Variants in PDZD2 observed in about 807,000 individuals in gnomAD.
The protein encoded by PDZD2 is PDZ domain-containing protein 2.
PDZD2 carries 90 observed loss-of-function variants against 220.7 expected under a neutral mutation model. That is an observed-to-expected ratio of 0.41 (90% CI 0.34 to 0.49). The LOEUF is 0.49. PDZD2 is among the 20% of genes least tolerant of loss of function. The pLI is 0.28. For missense variants in PDZD2, 3,174 were observed against 3,608.5 expected, an observed-to-expected ratio of 0.88 and a Z score of 3.08; for synonymous variants, 1,375 against 1,450.5, an observed-to-expected ratio of 0.95 and a Z score of 1.18.
At position 32,074,285 on chromosome 5, in the gene PDZD2, C is replaced by T. The variant is rs1245510302; in HGVS notation, c.3179C>T (p.Thr1060Met). Residue 1060 changes from threonine (T) to methionine (M), a missense_variant, in exon 18 of 25, where the codon ACG becomes ATG. Physicochemically the swap from Thr to Met is moderately conservative, Grantham distance 81. This residue lies in a region of PDZD2 where 1,861 missense variants were observed against 2,001.0 expected (regional missense o/e 0.93). Coordinates refer to ENST00000438447, the MANE Select transcript of PDZD2 (RefSeq NM_178140.4). ...GCTGCGTCCTATGCAGCCAACCTCA[C>T]GGACTCTGCAGAGGCCCCCAAGGGG... ...VDAASYAANL[T>M]DSAEAPKGSP... The T allele has an allele frequency of 3.7e-6, 6 of 1,614,020 alleles. No homozygotes were observed. The highest frequency in any genetic ancestry group is 4.5e-5 in the East Asian group (2 of 44,892).
At chr5:31,706,739 G>A (rs1747841317) in intron 1 of PDZD2, among the ~76,000 whole-genome samples, 1 of 151,746 alleles carries the variant, frequency 6.6e-6, no homozygotes, top group African/African-American at 2.4e-5. Context: ...AGCTACTTGG[G>A]AGGCTGAGGC....
At chr5:31,827,169 T>A (rs1463419527) in intron 2 of PDZD2, among the ~76,000 whole-genome samples, 1 of 152,182 alleles carries the variant, frequency 6.6e-6, no homozygotes, top group Admixed American at 6.5e-5. Flanking sequence ...AAATCTGGGT[T>A]CTGAACACTT....
At chr5:31,786,687 G>T (rs977570856) in intron 1 of PDZD2, among the ~76,000 whole-genome samples, 1 of 152,132 alleles carries the variant, frequency 6.6e-6, no homozygotes, top group Non-Finnish European at 1.5e-5. Flanking sequence ...TAGGGGGAAT[G>T]CCAGAGCTGG....
intron 1 of PDZD2, among the ~76,000 whole-genome samples, chr5:31,774,548 G>A (rs561206949): frequency 3.8e-4 from 58 of 151,648 alleles, no homozygotes; most frequent in South Asian, 6.3e-4. Context: ...ACCCTATCTC[G>A]ACTAAAAATA....
At chr5:32,035,200 TA>T (rs1454577512) in intron 6 of PDZD2, among the ~76,000 whole-genome samples, 1 of 152,200 alleles carries the variant, frequency 6.6e-6, no homozygotes, top group Non-Finnish European at 1.5e-5. Flanking sequence ...AATTATTTCT[TA>T]AAAGAGATTA....
chr5:31,985,170 ATAT>A (rs1186833369), intron 3 of PDZD2, among the ~76,000 whole-genome samples: 9 of 152,218 alleles, frequency 5.9e-5, no homozygotes, highest in Non-Finnish European at 1.0e-4. Context: ...GGCAGTGAAA[ATAT>A]TATAATGTGT....
At chr5:31,912,392 T>C (rs1743289516) in intron 2 of PDZD2, among the ~76,000 whole-genome samples, 1 of 152,150 alleles carries the variant, frequency 6.6e-6, no homozygotes, top group Non-Finnish European at 1.5e-5. Flanking sequence ...CCTAATATCA[T>C]ACCTTGGAGG....
At chr5:32,065,660 G>T (rs996653955) in intron 14 of PDZD2, among the ~76,000 whole-genome samples, 33 of 152,250 alleles carry the variant, frequency 2.2e-4, no homozygotes, top group Admixed American at 2.0e-3. Flanking sequence ...AGGCAACTCT[G>T]CTTTTCTTCA....
chr5:31,954,059 T>C (rs1288052077), intron 2 of PDZD2, among the ~76,000 whole-genome samples: 1 of 151,710 alleles, frequency 6.6e-6, no homozygotes, highest in Non-Finnish European at 1.5e-5. Flanking sequence ...AAGGTTATAG[T>C]GTGATATGAT....
chr5:32,076,301 A>C (rs1026136078), intron 18 of PDZD2, among the ~76,000 whole-genome samples: 13 of 151,698 alleles, frequency 8.6e-5, no homozygotes, highest in Non-Finnish European at 1.9e-4. Context: ...AAAAAAAAAA[A>C]AAAAAAAACA....
At chr5:31,790,589 G>A (rs192898758) in intron 1 of PDZD2, among the ~76,000 whole-genome samples, 1 of 152,016 alleles carries the variant, frequency 6.6e-6, no homozygotes, top group Admixed American at 6.6e-5. Context: ...TGTGGACCAG[G>A]GCTGGAGTTT....
chr5:31,924,500 T>C (rs1351148566), intron 2 of PDZD2, among the ~76,000 whole-genome samples: 1 of 152,196 alleles, frequency 6.6e-6, no homozygotes, highest in African/African-American at 2.4e-5. Flanking sequence ...CAGCCCATGG[T>C]GATAGGTCCC....
rs535726237 is a variant in PDZD2, at chr5:31,941,839, A to T, written c.477-41316A>T. Among the ~76,000 whole-genome samples the T allele has an allele frequency of 2.6e-5, 4 of 152,368 alleles. No homozygotes were observed. The East Asian group carries it at 7.7e-4, about 29-fold the overall frequency. Reference sequence around the variant, plus strand: ...ATGGATTCAGCCATTTCAGTAGAAGAAACATCAGTCTTCGCTATAGTCTCT... The same window carrying T: ...ATGGATTCAGCCATTTCAGTAGAAGTAACATCAGTCTTCGCTATAGTCTCT... On this transcript the variant is annotated intron_variant, in intron 2 of 24. Transcript: ENST00000438447.
intron 2 of PDZD2, among the ~76,000 whole-genome samples, chr5:31,920,992 C>T (rs1561082248): frequency 6.6e-6 from 1 of 152,278 alleles, no homozygotes; most frequent in South Asian, 2.1e-4. Context: ...TCTGCGTGTG[C>T]CGCGGTTTAT....
Position 32,110,618 on chromosome 5 carries a change from G to GTGT in PDZD2, c.*2485_*2487dup, listed in dbSNP as rs542144751. ...ATAAGCTATGAGGGTAAATAAATAT[G>GTGT]TGTTATAACAAGTAAACCGTAGTTG... On this transcript the variant is annotated 3_prime_UTR_variant, in exon 25 of 25. Transcript: ENST00000438447. 1.1e-4 allele frequency: 17 copies of GTGT among 152,572 alleles called. No individual in the cohort carries two copies. The East Asian group carries it at 3.3e-3, about 29-fold the overall frequency. 9.5% of individuals were successfully genotyped at this position (152,572 alleles called of 1,614,324 possible).
At chr5:31,828,164 A>G (rs1051999790) in intron 2 of PDZD2, among the ~76,000 whole-genome samples, 16 of 152,356 alleles carry the variant, frequency 1.1e-4, no homozygotes, top group African/African-American at 3.8e-4. Context: ...TTGGTGTACA[A>G]GCTTTTGTGT....
chr5:31,645,614 C>T (rs541451095), intron 1 of PDZD2, among the ~76,000 whole-genome samples: 7 of 152,266 alleles, frequency 4.6e-5, no homozygotes, highest in East Asian at 1.9e-4. Context: ...AGATTACAGG[C>T]GTGAGCCGCT....
Position 32,088,278 on chromosome 5 carries a change from A to C in PDZD2, c.4830A>C (p.Pro1610=). The change falls in exon 20 of 25, where the codon CCA becomes CCC. Residue 1610 remains proline, a synonymous_variant. Transcript: ENST00000438447. The surrounding 1 kb of genome is among the most constrained non-coding windows in gnomAD (Gnocchi z 4.6). Reference sequence around the variant, plus strand: ...GTTCCACACGTGGCTGCCCCAATCCACCCTCGAGTCCTGCTCATCTTCCCA... The same window carrying C: ...GTTCCACACGTGGCTGCCCCAATCCCCCCTCGAGTCCTGCTCATCTTCCCA... ...EICSTRGCPN[P]PSSPAHLPTQ... 6.2e-7 allele frequency: 1 copy of C among 1,613,828 alleles called. No individual in the cohort carries two copies. Among genetic ancestry groups the C allele is most frequent in the Non-Finnish European group, 8.5e-7 (1 of 1,179,968 alleles).
chr5:31,868,002 A>G (rs555405933), intron 2 of PDZD2, among the ~76,000 whole-genome samples: 2 of 152,090 alleles, frequency 1.3e-5, no homozygotes, highest in Non-Finnish European at 2.9e-5. Context: ...TCTCACACCT[A>G]GATAACTGAG....
Sources: allele counts gnomAD v4.1 joint callset (sites outside exome capture counted in the v4.1 genomes callset), GRCh38; gene constraint gnomAD v4.1.1; regional missense constraint gnomAD v4.1.1; non-coding constraint Gnocchi (gnomAD v3.1); transcripts MANE v1.5; gene names NCBI Gene and HGNC (gene_info 2026-07-23, HGNC 2026-07-21).